Variants in CHST15 observed in about 807,000 individuals in gnomAD.
CHST15 encodes the protein carbohydrate sulfotransferase 15.
A neutral mutation model predicts 53.6 loss-of-function variants in CHST15; 30 were observed. The ratio of observed to expected loss-of-function variants is 0.56; its 90% CI spans 0.42 to 0.76. CHST15 has a LOEUF of 0.76. Among genes scored for constraint, CHST15 ranks in the 30% least tolerant of loss-of-function variants. The pLI is 0.00. For missense variants in CHST15, 627 were observed against 740.5 expected (o/e 0.85, Z 1.78); for synonymous variants, 296 against 289.8 (o/e 1.02, Z -0.22).
At chr10:124,057,712 C>T (rs1475855950) in intron 1 of CHST15, among the ~76,000 whole-genome samples, 3 of 152,168 alleles carry the variant, frequency 2.0e-5, no homozygotes, top group South Asian at 2.1e-4. Flanking sequence ...GCCAAACAAG[C>T]GTGGTAACAA....
At chr10:124,069,267 A>T (rs1291611136) in intron 1 of CHST15, among the ~76,000 whole-genome samples, 1 of 152,236 alleles carries the variant, frequency 6.6e-6, no homozygotes, top group Non-Finnish European at 1.5e-5. Flanking sequence ...TGACTTCTGC[A>T]GGCTCAGCTC....
chr10:124,033,561 G>C (rs1217231579), intron 5 of CHST15, among the ~76,000 whole-genome samples: 1 of 152,188 alleles, frequency 6.6e-6, no homozygotes, highest in Non-Finnish European at 1.5e-5. Context: ...ATGACGATGG[G>C]ATTTCACACT....
In CHST15 at chr10:124,009,146, G is replaced by A; in HGVS notation, c.*1003C>T. The stretch of plus-strand genomic sequence containing the variant: ...GAGAAATGGAGCCTGTAGCCGGCCA[G>A]AACTAAAAATTAAAATCCTCTGTTT... On this transcript the variant is annotated 3_prime_UTR_variant, in exon 8 of 8. Transcript: ENST00000435907. 8.3e-7 allele frequency: 1 copy of A among 1,210,118 alleles called. No individual in the cohort carries two copies. The allele number at this position is 1,210,118 out of a possible 1,614,324, so 75.0% of individuals were successfully genotyped here. A position where few individuals can be genotyped will look rare whatever the true frequency, so the allele number is the denominator to read the frequency against.
chr10:124,022,412 G>A (rs79144592), intron 5 of CHST15, among the ~76,000 whole-genome samples: 1 of 152,192 alleles, frequency 6.6e-6, no homozygotes, highest in Non-Finnish European at 1.5e-5. Context: ...TCCACTCTCC[G>A]TTGCCTGTTT....
chr10:124,060,700 C>T (rs1382885255), intron 1 of CHST15, among the ~76,000 whole-genome samples: 1 of 152,334 alleles, frequency 6.6e-6, no homozygotes, highest in African/African-American at 2.4e-5. Context: ...ACTGAAGCTT[C>T]CATGTTTAAA....
At position 124,007,878 on chromosome 10, in the gene CHST15, G is replaced by C; in HGVS notation, c.*2271C>G. ...GTGAGAAATGCTCCAATTTGCTTTG[G>C]TTTTGAATGGCAGGCTCGAGAACCA... On this transcript the variant is annotated 3_prime_UTR_variant, in exon 8 of 8. Coordinates refer to ENST00000435907, the MANE Select transcript of CHST15 (RefSeq NM_001270764.2). The C allele has an allele frequency of 8.1e-7, 1 of 1,232,128 alleles. No homozygotes were observed. The allele number at this position is 1,232,128 out of a possible 1,614,324, so 76.3% of individuals were successfully genotyped here.
intron 1 of CHST15, among the ~76,000 whole-genome samples, chr10:124,067,808 G>A (rs1309066471): frequency 6.6e-6 from 1 of 152,060 alleles, no homozygotes; most frequent in Non-Finnish European, 1.5e-5. Flanking sequence ...GTAGAGACGG[G>A]GTTTCACCAT....
chr10:124,010,760 T>C, intron 7 of CHST15: 1 of 985,392 alleles, frequency 1.0e-6, no homozygotes, highest in Non-Finnish European at 1.2e-6. Flanking sequence ...AATTCCGCCA[T>C]CATCGTTTCT....
At position 124,007,979 on chromosome 10, in the gene CHST15, C is replaced by G; in HGVS notation, c.*2170G>C. ...AGGAAGCAGAGGCAGCCGAAGTGCCCTCTGGAGAGAAAGGCCCCTGGAGGG... is the reference window on the plus strand; with the variant it reads ...AGGAAGCAGAGGCAGCCGAAGTGCCGTCTGGAGAGAAAGGCCCCTGGAGGG... On this transcript the variant is annotated 3_prime_UTR_variant, in exon 8 of 8. Coordinates refer to ENST00000435907, the MANE Select transcript of CHST15 (RefSeq NM_001270764.2). 1 of 1,160,152 alleles carries G rather than the reference C, an allele frequency of 8.6e-7. No homozygotes were observed. The highest frequency in any genetic ancestry group is 1.0e-6 in the Non-Finnish European group (1 of 963,030). 71.9% of individuals were successfully genotyped at this position (1,160,152 alleles called of 1,614,324 possible). A position where few individuals can be genotyped will look rare whatever the true frequency, so the allele number is the denominator to read the frequency against.
At chr10:124,033,194 C>A (rs1947294906) in intron 5 of CHST15, among the ~76,000 whole-genome samples, 1 of 152,246 alleles carries the variant, frequency 6.6e-6, no homozygotes, top group African/African-American at 2.4e-5. Context: ...GGAAACGCGC[C>A]AACCATTTCA....
At chr10:124,084,224 C>G (rs1949344682) in intron 1 of CHST15, among the ~76,000 whole-genome samples, 1 of 152,150 alleles carries the variant, frequency 6.6e-6, no homozygotes, top group South Asian at 2.1e-4. Flanking sequence ...AAAGGAAGCC[C>G]TTGGTACCTG....
chr10:124,045,127 A>AAC (rs1947932303), intron 2 of CHST15, among the ~76,000 whole-genome samples: 2 of 125,076 alleles, frequency 1.6e-5, no homozygotes, highest in Non-Finnish European at 3.1e-5. Context: ...AAAAAAAAAA[A>AAC]AAAAAAAAAA....
intron 1 of CHST15, among the ~76,000 whole-genome samples, chr10:124,067,034 G>A (rs1005989233): frequency 6.6e-6 from 1 of 152,256 alleles, no homozygotes; most frequent in African/African-American, 2.4e-5. Context: ...GCTGCACTTA[G>A]CACTGTGCCG....
At chr10:124,060,404 G>A (rs28709549) in intron 1 of CHST15, among the ~76,000 whole-genome samples, 4,336 of 148,580 alleles carry the variant, frequency 0.029, 257 homozygotes, top group East Asian at 0.21. Flanking sequence ...CCCCAGGGGT[G>A]TGTGGAGGTG....
intron 5 of CHST15, among the ~76,000 whole-genome samples, chr10:124,031,622 G>GT (rs1947226699): frequency 6.6e-6 from 1 of 152,186 alleles, no homozygotes; most frequent in Admixed American, 6.5e-5. Flanking sequence ...TGGTTATGTG[G>GT]TTTGCAACTC....
chr10:124,008,135 ACAC>A lies in CHST15; in HGVS notation c.*2011_*2013del. 2 of 1,231,390 alleles carry A rather than the reference ACAC, an allele frequency of 1.6e-6. No homozygotes were observed. Among genetic ancestry groups the A allele is most frequent in the Non-Finnish European group, 2.0e-6 (2 of 987,876 alleles). The allele number at this position is 1,231,390 out of a possible 1,614,324, so 76.3% of individuals were successfully genotyped here. ...TAATACTTCTGTAAGAAGCAGAATT[ACAC>A]CACATGTTATTCACATGCATAGGAG... On this transcript the variant is annotated 3_prime_UTR_variant, in exon 8 of 8. Coordinates refer to ENST00000435907, the MANE Select transcript of CHST15 (RefSeq NM_001270764.2).
intron 2 of CHST15, among the ~76,000 whole-genome samples, chr10:124,045,120 A>AAAAC (rs766778427): frequency 0.026 from 1,644 of 62,188 alleles, 44 homozygotes; most frequent in East Asian, 0.1. Context: ...CACAAAAAAA[A>AAAAC]AAAAAAAAAA....
At chr10:124,045,133 A>AAAACAAAAAC (rs1564882311) in intron 2 of CHST15, among the ~76,000 whole-genome samples, 2,864 of 145,774 alleles carry the variant, frequency 0.02, 138 homozygotes, top group African/African-American at 0.072. Flanking sequence ...AAAAAAAAAA[A>AAAACAAAAAC]AAAAAAAAAA....
At chr10:124,038,848 C>A (rs551929710) in intron 4 of CHST15, among the ~76,000 whole-genome samples, 177 bp from the exon 5 acceptor site, 16 of 151,856 alleles carry the variant, frequency 1.1e-4, no homozygotes, top group East Asian at 5.8e-4. Context: ...GGATGCCCCC[C>A]CCTGCCACAG....
Sources: allele counts gnomAD v4.1 joint callset (sites outside exome capture counted in the v4.1 genomes callset), GRCh38; gene constraint gnomAD v4.1.1; transcripts MANE v1.5; gene names NCBI Gene and HGNC (gene_info 2026-07-23, HGNC 2026-07-21).